PACRG: variants seen among roughly 807,000 people sequenced by gnomAD.
The protein encoded by PACRG is parkin coregulated.
Under a neutral mutation model 29.7 loss-of-function variants are expected in PACRG, and 29 were observed. The ratio of observed to expected loss-of-function variants is 0.98; its 90% CI spans 0.73 to 1.33. PACRG has a LOEUF of 1.33. Among genes scored for constraint, PACRG ranks in the 40% most tolerant of loss-of-function variants. The probability of loss-of-function intolerance (pLI) is 0.00; values close to 1 mark genes in which losing one functional copy is unlikely to be tolerated. For synonymous variants in PACRG, 116 were observed against 118.7 expected (o/e 0.98, Z 0.15); for missense variants, 279 against 316.2 (o/e 0.88, Z 0.89).
At chr6:162,908,558 A>G (rs986990174) in intron 2 of PACRG, among the ~76,000 whole-genome samples, 2 of 152,112 alleles carry the variant, frequency 1.3e-5, no homozygotes, top group Non-Finnish European at 2.9e-5. Context: ...ACATTCTACA[A>G]CCTCAGTAGA....
chr6:163,087,569 A>T (rs574357144), intron 3 of PACRG, among the ~76,000 whole-genome samples: 2 of 149,792 alleles, frequency 1.3e-5, no homozygotes, highest in South Asian at 2.2e-4. Context: ...AGAGGAGGTG[A>T]GGATGGAGAC....
chr6:162,911,622 A>G (rs1239950371), intron 2 of PACRG, among the ~76,000 whole-genome samples: 1 of 152,226 alleles, frequency 6.6e-6, no homozygotes, highest in Non-Finnish European at 1.5e-5. Flanking sequence ...CTCTAGGTTT[A>G]TAACCAGAAG....
At chr6:163,108,401 T>C (rs1318137974) in intron 4 of PACRG, among the ~76,000 whole-genome samples, 9 of 141,042 alleles carry the variant, frequency 6.4e-5, no homozygotes, top group African/African-American at 2.1e-4. Flanking sequence ...CCTTTTTTTT[T>C]TTTTTTTTTT....
At chr6:162,938,353 A>G (rs868447317) in intron 2 of PACRG, among the ~76,000 whole-genome samples, 3 of 152,258 alleles carry the variant, frequency 2.0e-5, no homozygotes, top group Non-Finnish European at 2.9e-5. Flanking sequence ...TTGTGCTGCT[A>G]TAAACATGCA....
intron 2 of PACRG, among the ~76,000 whole-genome samples, chr6:162,896,410 G>T (rs910578867): frequency 6.6e-6 from 1 of 152,202 alleles, no homozygotes; most frequent in Non-Finnish European, 1.5e-5. Flanking sequence ...GAGTTATTAT[G>T]TGAAGGTCCA....
intron 4 of PACRG, among the ~76,000 whole-genome samples, chr6:163,289,990 G>A (rs753262582): frequency 2.6e-5 from 4 of 152,076 alleles, no homozygotes; most frequent in Non-Finnish European, 2.9e-5. Flanking sequence ...TGGGATTACA[G>A]GCATGCACCA....
intron 4 of PACRG, among the ~76,000 whole-genome samples, chr6:163,239,667 AC>A (rs1379516869): frequency 3.0e-5 from 3 of 101,332 alleles, no homozygotes; most frequent in African/African-American, 1.2e-4. Flanking sequence ...ACACACCCAC[AC>A]CCCCCACCCC....
chr6:162,780,533 A>G (rs901847355), intron 1 of PACRG, among the ~76,000 whole-genome samples: 1 of 152,192 alleles, frequency 6.6e-6, no homozygotes, highest in Non-Finnish European at 1.5e-5. Flanking sequence ...ATTATCAGAC[A>G]TACAAAGAAG....
intron 2 of PACRG, among the ~76,000 whole-genome samples, chr6:162,830,968 A>C (rs1243402047): frequency 6.6e-6 from 1 of 152,212 alleles, no homozygotes; most frequent in Admixed American, 6.5e-5. Flanking sequence ...TACTGCCATT[A>C]GTTCCAATAA....
At chr6:163,269,928 AAACAAAGAAAG>A (rs1783721181) in intron 4 of PACRG, among the ~76,000 whole-genome samples, 2 of 35,200 alleles carry the variant, frequency 5.7e-5, no homozygotes, top group South Asian at 1.9e-3. Flanking sequence ...GAAAGAAAGA[AAACAAAGAAAG>A]AAAGAAAGAA....
chr6:162,958,283 C>A (rs1800221766), intron 2 of PACRG, among the ~76,000 whole-genome samples: 1 of 152,012 alleles, frequency 6.6e-6, no homozygotes, highest in East Asian at 1.9e-4. Flanking sequence ...TTCAAATATT[C>A]ATATTCTATA....
At chr6:162,819,973 A>G (rs1787697774) in intron 2 of PACRG, among the ~76,000 whole-genome samples, 1 of 152,174 alleles carries the variant, frequency 6.6e-6, no homozygotes, top group Non-Finnish European at 1.5e-5. Context: ...TTGAATCCAT[A>G]GCACTTTAGG....
intron 2 of PACRG, among the ~76,000 whole-genome samples, chr6:162,958,760 A>G (rs1159200874): frequency 1.7e-4 from 23 of 132,498 alleles, no homozygotes; most frequent in African/African-American, 7.2e-4. Flanking sequence ...GTGTGTATAT[A>G]TATACACATA....
At chr6:162,865,167 CAAT>C (rs1434709003) in intron 2 of PACRG, among the ~76,000 whole-genome samples, 2 of 152,156 alleles carry the variant, frequency 1.3e-5, no homozygotes, top group Non-Finnish European at 2.9e-5. Flanking sequence ...CTGCGGCTCT[CAAT>C]GATAATTGGC....
At chr6:163,102,787 G>A (rs1038520390) in intron 4 of PACRG, among the ~76,000 whole-genome samples, 4 of 150,816 alleles carry the variant, frequency 2.7e-5, no homozygotes, top group Non-Finnish European at 5.9e-5. Context: ...TTCCCATCAT[G>A]AGGACTGCCT....
At chr6:163,118,457 C>CA (rs981928324) in intron 4 of PACRG, among the ~76,000 whole-genome samples, 16 of 152,140 alleles carry the variant, frequency 1.1e-4, no homozygotes, top group Non-Finnish European at 1.8e-4. Context: ...TAATTAAACA[C>CA]AAAAAAATAT....
At chr6:163,298,699 A>G (rs1784874962) in intron 4 of PACRG, among the ~76,000 whole-genome samples, 1 of 152,220 alleles carries the variant, frequency 6.6e-6, no homozygotes, top group Admixed American at 6.5e-5. Context: ...CTCCATAGCT[A>G]TTAAACAGCC....
At chr6:163,009,388 G>A (rs1010405085) in intron 2 of PACRG, among the ~76,000 whole-genome samples, 20 of 152,136 alleles carry the variant, frequency 1.3e-4, no homozygotes, top group African/African-American at 4.3e-4. Context: ...AGGAAAGAGA[G>A]CTCAGAATTG....
At chr6:163,063,692 A>G (rs1444429314) in intron 3 of PACRG, among the ~76,000 whole-genome samples, 4 of 152,116 alleles carry the variant, frequency 2.6e-5, no homozygotes, top group African/African-American at 9.7e-5. Context: ...TCTGTAAGTG[A>G]CCACACCACA....
Sources: allele counts gnomAD v4.1 joint callset (sites outside exome capture counted in the v4.1 genomes callset), GRCh38; gene constraint gnomAD v4.1.1; transcripts MANE v1.5; gene names NCBI Gene and HGNC (gene_info 2026-07-23, HGNC 2026-07-21).